VWA7: variants seen among roughly 807,000 people sequenced by gnomAD.
VWA7 encodes the protein von Willebrand factor A domain-containing protein 7.
A neutral mutation model predicts 83.1 loss-of-function variants in VWA7; 66 were observed. That is an observed-to-expected ratio of 0.79 (90% confidence interval 0.65 to 0.98). The LOEUF is 0.98. Among genes scored for constraint, VWA7 ranks in the 50% least tolerant of loss-of-function variants. VWA7 has a pLI of 0.00. For synonymous variants in VWA7, 424 were observed against 488.5 expected (o/e 0.87, Z 1.74); for missense variants, 1,080 against 1,160.2 (o/e 0.93, Z 1.00).
rs766101269 is a variant in VWA7, at chr6:31,767,214, A to C, written c.1826T>G (p.Ile609Ser). The C allele has an allele frequency of 2.9e-5, 46 of 1,604,926 alleles. No homozygotes were observed. The East Asian group carries it at 9.9e-4, about 35-fold the overall frequency. ...TSLDFLFHFG[I>S]PMEDGPHPGL... is the part of the protein sequence containing the mutation. ...AGGGTGGGGTCCATCCTCCATGGGG[A>C]TCCCAAAGTGGAAGAGGAAGTCCAG... is the stretch of plus-strand genomic sequence containing the variant. Residue 609 changes from isoleucine (I) to serine (S), a missense_variant, in exon 13 of 17, where the codon ATC (isoleucine) becomes AGC (serine). Physicochemically the swap from Ile to Ser is moderately radical, Grantham distance 142. Coordinates refer to ENST00000375688, the MANE Select transcript of VWA7 (RefSeq NM_025258.3).
chr6:31,773,230 G>T lies in VWA7; in HGVS notation c.917+12C>A, dbSNP rs1389062192. On this transcript the variant is annotated intron_variant, in intron 6 of 16. Transcript: ENST00000375688. The surrounding 1 kb of genome is among the most constrained non-coding windows in gnomAD (Gnocchi z 5.3). Reference sequence around the variant, plus strand: ...TCCCCATGAAGGGGTCCATCCCCAGGAGGCCACTCACCTGGAGAAATCCCT... The same window carrying T: ...TCCCCATGAAGGGGTCCATCCCCAGTAGGCCACTCACCTGGAGAAATCCCT... The T allele has an allele frequency of 6.3e-7, 1 of 1,598,196 alleles. No homozygotes were observed. The highest frequency in any genetic ancestry group is 1.3e-5 in the African/African-American group (1 of 74,748).
chr6:31,776,836 G>T lies in VWA7; in HGVS notation c.-15-42C>A. On this transcript the variant is annotated intron_variant, in intron 1 of 16. Transcript: ENST00000375688. The surrounding 1 kb of genome is among the most constrained non-coding windows in gnomAD (Gnocchi z 6.2). ...TCTCAAGGGAGGAGGAAGCAGCCGC[G>T]ATTCCAGGGCAGGCCGGCTCTGCGG... 8.4e-7 allele frequency: 1 copy of T among 1,184,838 alleles called. No individual in the cohort carries two copies. Among genetic ancestry groups the T allele is most frequent in the Non-Finnish European group, 1.1e-6 (1 of 887,536 alleles). 73.4% of individuals were successfully genotyped at this position (1,184,838 alleles called of 1,614,324 possible).
At position 31,772,919 on chromosome 6, in the gene VWA7, C is replaced by T. The variant is rs776214651; in HGVS notation, c.1087+35G>A. On this transcript the variant is annotated intron_variant, in intron 7 of 16. Coordinates refer to ENST00000375688, the MANE Select transcript of VWA7 (RefSeq NM_025258.3). ...CAGTCTATCCCTTACCTTGAATTTT[C>T]CTCCCCTCTACTGTCCTAGCCAGAC... is the stretch of plus-strand genomic sequence containing the variant. 5.7e-6 allele frequency: 9 copies of T among 1,587,496 alleles called. No individual in the cohort carries two copies. The Admixed American group carries it at 1.4e-4, about 24-fold the overall frequency.
Position 31,776,324 on chromosome 6 carries a change from C to A in VWA7, c.235-82G>T. The A allele has an allele frequency of 6.5e-7, 1 of 1,541,854 alleles. No homozygotes were observed. The highest frequency in any genetic ancestry group is 8.8e-7 in the Non-Finnish European group (1 of 1,142,616). On this transcript the variant is annotated intron_variant, in intron 2 of 16. Coordinates refer to ENST00000375688, the MANE Select transcript of VWA7 (RefSeq NM_025258.3). The surrounding 1 kb of genome is among the most constrained non-coding windows in gnomAD (Gnocchi z 6.2). ...CCACCTTATCTCAGCAACTGACACT[C>A]AAGGCTGGGTATGAGGGTCCTGAGC... is the stretch of plus-strand genomic sequence containing the variant.
rs1014400715 is a variant in VWA7, at chr6:31,766,271, G to A, written c.2298C>T (p.Ser766=). 3 of 1,612,468 alleles carry A rather than the reference G, an allele frequency of 1.9e-6. No homozygotes were observed. Among genetic ancestry groups the A allele is most frequent in the Non-Finnish European group, 2.5e-6 (3 of 1,179,984 alleles). The part of the protein sequence containing the change: ...DLDLRTFVNP[S]FSLTSNLSRA... ...TGGAGAGGTTGGAGGTGAGGGAGAA[G>A]CTGGGGTTGACGAAAGTCCTAAGGT... is the stretch of plus-strand genomic sequence containing the variant. The change falls in exon 15 of 17, where the codon AGC becomes AGT. Residue 766 remains serine (S), a synonymous_variant. Transcript: ENST00000375688. The surrounding 1 kb of genome is among the most constrained non-coding windows in gnomAD (Gnocchi z 4.9).
At position 31,776,063 on chromosome 6, in the gene VWA7, C is replaced by T. The variant is rs772789133; in HGVS notation, c.414G>A (p.Ala138=). The stretch of plus-strand genomic sequence containing the variant: ...TCTCCCGCAGAGCCCCTACCAGGCG[C>T]GCGCGTCCCTGACCCAGTCGCTCAG... ...FDAERLGQGR[A]RLVGALRETV... is the part of the protein sequence containing the mutation. Residue 138 remains alanine (A), a synonymous_variant, in exon 3 of 17, where the codon GCG becomes GCA. Coordinates refer to ENST00000375688, the MANE Select transcript of VWA7 (RefSeq NM_025258.3). The surrounding 1 kb of genome is among the most constrained non-coding windows in gnomAD (Gnocchi z 6.2). The T allele has an allele frequency of 7.4e-6, 12 of 1,613,740 alleles. No individual in the cohort carries two copies. The highest frequency in any genetic ancestry group is 1.6e-4 in the Middle Eastern group (1 of 6,084).
In VWA7 at chr6:31,774,526, C is replaced by T. The variant is rs1304860985; in HGVS notation, c.711G>A (p.Pro237=). The change falls in exon 5 of 17, where the codon CCG becomes CCA. Residue 237 remains proline (P), a synonymous_variant. Coordinates refer to ENST00000375688, the MANE Select transcript of VWA7 (RefSeq NM_025258.3). ...TTTCTTGTCTGGTACCTGGAGGTTT[C>T]GGGGGATGAGTTCCAAAGTAGCCAG... is the stretch of plus-strand genomic sequence containing the variant. The part of the protein sequence containing the change: ...LTSGYFGTHP[P]KPPGKCSHGG... 7 of 1,612,558 alleles carry T rather than the reference C, an allele frequency of 4.3e-6. No homozygotes were observed. In the Admixed American group the frequency reaches 6.7e-5, roughly 15 times the overall value.
Position 31,769,916 on chromosome 6 carries a change from G to A in VWA7, c.1200+85C>T. On this transcript the variant is annotated intron_variant, in intron 8 of 16. Transcript: ENST00000375688. This position sits in a 1 kb window ranked among gnomAD's most constrained non-coding sequence, Gnocchi z 4.5. The stretch of plus-strand genomic sequence containing the variant: ...TACAGTGAAGCTAGTGGATCTAGGT[G>A]CTGAAGGTGGTGGGGAGCCCCAGGA... 6.7e-7 allele frequency: 1 copy of A among 1,492,802 alleles called. No individual in the cohort carries two copies. The highest frequency in any genetic ancestry group is 9.3e-7 in the Non-Finnish European group (1 of 1,074,010). The allele number at this position is 1,492,802 out of a possible 1,614,324, so 92.5% of individuals were successfully genotyped here. A position where few individuals can be genotyped will look rare whatever the true frequency, so the allele number is the denominator to read the frequency against.
In VWA7 at chr6:31,769,750, G is replaced by A. The variant is rs1421241109; in HGVS notation, c.1242C>T (p.Val414=). 4 of 1,613,132 alleles carry A rather than the reference G, an allele frequency of 2.5e-6. No homozygotes were observed. Among genetic ancestry groups the A allele is most frequent in the Non-Finnish European group, 3.4e-6 (4 of 1,180,044 alleles). Residue 414 remains valine, a synonymous_variant, in exon 9 of 17, where the codon GTC becomes GTT. Transcript: ENST00000375688. The surrounding 1 kb of genome is among the most constrained non-coding windows in gnomAD (Gnocchi z 4.5). The part of the protein sequence containing the change: ...LHTPPLSDIF[V]FTDASPKDAF... Reference sequence around the variant, plus strand: ...CATCCTTGGGGGAGGCATCCGTGAAGACAAAGATATCTGAGAGTGGAGGTG... The same window carrying A: ...CATCCTTGGGGGAGGCATCCGTGAAAACAAAGATATCTGAGAGTGGAGGTG...
At position 31,776,083 on chromosome 6, in the gene VWA7, G is replaced by A. The variant is rs138074834; in HGVS notation, c.394C>T (p.Arg132Ter). The change falls in exon 3 of 17, where the codon CGA becomes TGA. Residue 132 changes from arginine (R) to a stop codon, truncating the protein, a stop_gained. Transcript: ENST00000375688. LOFTEE classifies it high-confidence loss of function. This position sits in a 1 kb window ranked among gnomAD's most constrained non-coding sequence, Gnocchi z 6.2. ...AGGCGCGCGCGTCCCTGACCCAGTC[G>A]CTCAGCATCAAAGTGCAGGTCGGGG... ...NDPDLHFDAE[R>*]LGQGRARLVG... is the part of the protein sequence containing the mutation. The A allele has an allele frequency of 1.8e-4, 289 of 1,613,984 alleles. No homozygotes were observed. In the African/African-American group the frequency reaches 2.3e-3, roughly 13 times the overall value.
rs150095936 is a variant in VWA7 at position 31,775,394 on chromosome 6, G to A, written c.549C>T (p.Gly183=). ...GGAGGTGAGGGTGTGGCTGCTGCTC[G>A]CCCAGCTCCACCCAGTTGCTATGAC... ...FYSHSNWVEL[G]EQQPHPHLLW... The change falls in exon 4 of 17, where the codon GGC becomes GGT. Residue 183 remains glycine (G), a synonymous_variant. Transcript: ENST00000375688. The surrounding 1 kb of genome is among the most constrained non-coding windows in gnomAD (Gnocchi z 5.9). 7.8e-4 allele frequency: 1,252 copies of A among 1,612,290 alleles called. 5 individuals carry two copies. Among genetic ancestry groups the A allele is most frequent in the South Asian group, 1.2e-3 (110 of 90,982 alleles).
chr6:31,770,264 G>A (rs1351277690), intron 7 of VWA7, 151 bp from the exon 8 acceptor site: 5 of 658,444 alleles, frequency 7.6e-6, no homozygotes, highest in Non-Finnish European at 1.3e-5. Context: ...ATACTTGGCC[G>A]GGTGCGGTGG....
Position 31,775,568 on chromosome 6 carries a change from A to G in VWA7, c.514-139T>C, listed in dbSNP as rs1812605999. ...CCTACTGCTCCCACCAGACACCCCAAGTCCCCTCCACTGCCCTCTCTCCAT... is the reference window on the plus strand; with the variant it reads ...CCTACTGCTCCCACCAGACACCCCAGGTCCCCTCCACTGCCCTCTCTCCAT... On this transcript the variant is annotated intron_variant, in intron 3 of 16. Coordinates refer to ENST00000375688, the MANE Select transcript of VWA7 (RefSeq NM_025258.3). This position sits in a 1 kb window ranked among gnomAD's most constrained non-coding sequence, Gnocchi z 5.9. 2.8e-6 allele frequency: 2 copies of G among 708,156 alleles called. No homozygotes were observed. Among genetic ancestry groups the G allele is most frequent in the East Asian group, 2.7e-5 (1 of 36,556 alleles). 43.9% of individuals were successfully genotyped at this position (708,156 alleles called of 1,614,324 possible).
chr6:31,768,916 G>T, intron 10 of VWA7, 102 bp downstream of exon 10: 2 of 1,272,254 alleles, frequency 1.6e-6, no homozygotes, highest in Non-Finnish European at 1.1e-6. Flanking sequence ...GTGACTGGAA[G>T]AACAACACAG....
intron 7 of VWA7, among the ~76,000 whole-genome samples, chr6:31,772,566 T>C (rs1812281292): frequency 1.3e-5 from 2 of 148,692 alleles, no homozygotes; most frequent in East Asian, 1.9e-4. Flanking sequence ...TATCTTTTCT[T>C]TTTTTTTTCT....
chr6:31,769,480 T>C lies in VWA7; in HGVS notation c.1317+195A>G, dbSNP rs1331808926. On this transcript the variant is annotated intron_variant, in intron 9 of 16. Transcript: ENST00000375688. This position sits in a 1 kb window ranked among gnomAD's most constrained non-coding sequence, Gnocchi z 4.5. ...GCAGGGTCAAATAAAAATTCAGCGT[T>C]ATTAAGGGTAGGGCCTCTTACGTAT... 6.6e-6 allele frequency among the ~76,000 whole-genome samples: 1 copy of C among 152,200 alleles called. No homozygotes were observed. The highest frequency in any genetic ancestry group is 1.5e-5 in the Non-Finnish European group (1 of 68,018).
At position 31,773,320 on chromosome 6, in the gene VWA7, G is replaced by A. The variant is rs1421079385; in HGVS notation, c.839C>T (p.Ala280Val). The A allele has an allele frequency of 1.9e-6, 3 of 1,608,782 alleles. No individual in the cohort carries two copies. The highest frequency in any genetic ancestry group is 2.2e-5 in the East Asian group (1 of 44,804). ...FSPHHMLHLQ[A>V]AKLALLASIQ... ...GGAGGCTAGAAGGGCCAGTTTTGCA[G>A]CCTGGAGGTGCAGCATGTGGTGAGG... Residue 280 changes from alanine to valine, a missense_variant, in exon 6 of 17, where the codon GCT (alanine) becomes GTT (valine). Coordinates refer to ENST00000375688, the MANE Select transcript of VWA7 (RefSeq NM_025258.3). This position sits in a 1 kb window ranked among gnomAD's most constrained non-coding sequence, Gnocchi z 5.3.
At position 31,766,218 on chromosome 6, in the gene VWA7, G is replaced by A; in HGVS notation, c.2324+27C>T. On this transcript the variant is annotated intron_variant, in intron 15 of 16. Coordinates refer to ENST00000375688, the MANE Select transcript of VWA7 (RefSeq NM_025258.3). This position sits in a 1 kb window ranked among gnomAD's most constrained non-coding sequence, Gnocchi z 4.9. ...AGCATTGGCCGGGCAAGATGCCAGAGGGAGCTGGAGGGTTCATGAGCCTCA... is the reference window on the plus strand; with the variant it reads ...AGCATTGGCCGGGCAAGATGCCAGAAGGAGCTGGAGGGTTCATGAGCCTCA... 1 of 1,608,796 alleles carries A rather than the reference G, an allele frequency of 6.2e-7. No homozygotes were observed. Among genetic ancestry groups the A allele is most frequent in the Non-Finnish European group, 8.5e-7 (1 of 1,178,108 alleles).
chr6:31,770,275 C>T (rs1812048465), intron 7 of VWA7, among the ~76,000 whole-genome samples, 162 bp from the exon 8 acceptor site: 1 of 152,008 alleles, frequency 6.6e-6, no homozygotes, highest in Admixed American at 6.6e-5. Flanking sequence ...GGTGCGGTGG[C>T]TCACACCTGT....
Sources: gnomAD v4.1 joint callset for allele counts (sites outside exome capture counted in the v4.1 genomes callset) on GRCh38, gnomAD v4.1.1 for gene constraint, Gnocchi (gnomAD v3.1) non-coding constraint, MANE v1.5 for transcripts, NCBI Gene and HGNC (gene_info 2026-07-23, HGNC 2026-07-21) for gene names.